The following FCRL6 variants were observed in gnomAD, a reference collection of about 807,000 sequenced individuals.
The protein encoded by FCRL6 is Fc receptor like 6.
Under a neutral mutation model 49.1 loss-of-function variants are expected in FCRL6, and 50 were observed. The observed-to-expected ratio is 1.02, with a 90% CI of 0.81 to 1.29. FCRL6 has a LOEUF of 1.29. Among genes scored for constraint, FCRL6 ranks in the 50% most tolerant of loss-of-function variants. The pLI, the probability that FCRL6 is intolerant of heterozygous loss-of-function variation, is 0.00. For missense variants in FCRL6, 571 were observed against 518.5 expected (o/e 1.10, Z -0.98); for synonymous variants, 213 against 199.6 (o/e 1.07, Z -0.57).
chr1:159,811,172 G>T (rs1050123263), intron 6 of FCRL6, among the ~76,000 whole-genome samples: 1 of 152,084 alleles, frequency 6.6e-6, no homozygotes, highest in Non-Finnish European at 1.5e-5. Context: ...AATGAATGTT[G>T]GCTCTCAAAG....
At chr1:159,803,992 A>G (rs1201209629) in intron 1 of FCRL6, among the ~76,000 whole-genome samples, 2 of 152,360 alleles carry the variant, frequency 1.3e-5, no homozygotes, top group East Asian at 1.9e-4. Flanking sequence ...AGGAATCCTG[A>G]CATTGAGCAT....
Position 159,808,369 on chromosome 1 carries a change from A to G in FCRL6, c.244A>G (p.Ser82Gly), listed in dbSNP as rs779266111. Residue 82 changes from serine to glycine, a missense_variant, in exon 3 of 10, where the codon AGC becomes GGC. Physicochemically the swap from Ser to Gly is moderately conservative, Grantham distance 56. Coordinates refer to ENST00000368106, the MANE Select transcript of FCRL6 (RefSeq NM_001004310.3). Reference protein sequence around the residue: ...AATVQSRGQYSCSGQVMYIPQ... With the variant: ...AATVQSRGQYGCSGQVMYIPQ... Reference sequence around the variant, plus strand: ...AACAGTGCAGAGCCGTGGCCAGTACAGCTGCTCTGGGCAGGTGATGTATAT... The same window carrying G: ...AACAGTGCAGAGCCGTGGCCAGTACGGCTGCTCTGGGCAGGTGATGTATAT... 1.9e-6 allele frequency: 3 copies of G among 1,614,210 alleles called. No individual in the cohort carries two copies. In the South Asian group the frequency reaches 3.3e-5, roughly 18 times the overall value.
rs375951099 is a variant in FCRL6, at chr1:159,802,422, C to G, written c.-3C>G. 6 of 1,613,790 alleles carry G rather than the reference C, an allele frequency of 3.7e-6. No individual in the cohort carries two copies. The highest frequency in any genetic ancestry group is 1.7e-5 in the Admixed American group (1 of 59,990). ...TTCCCTCCGCTGTGCCAGAACAGGC[C>G]CCATGCTGCTCTGGACGGCTGTGCT... On this transcript the variant is annotated 5_prime_UTR_variant, in exon 1 of 10. Transcript: ENST00000368106.
intron 3 of FCRL6, 140 bp from the exon 4 acceptor site, chr1:159,808,821 G>C (rs11587247): frequency 7.4e-6 from 6 of 810,772 alleles, no homozygotes; most frequent in Non-Finnish European, 1.1e-5. Context: ...GAGGGTAAGA[G>C]GACGGGTCCT....
intron 2 of FCRL6, among the ~76,000 whole-genome samples, chr1:159,807,051 C>G (rs1662739041): frequency 6.6e-6 from 1 of 152,208 alleles, no homozygotes; most frequent in South Asian, 2.1e-4. Context: ...TTCTGTGACA[C>G]TGACCTCCAT....
Position 159,815,637 on chromosome 1 carries a change from C to G in FCRL6, c.1281C>G (p.Ser427Arg). ...GCAGGACTCTCCAAGAACCCCTTAG[C>G]GACTGTGAGGAGGTTCTCTGCTAGT... ...MRSRTLQEPL[S>R]DCEEVLC The change falls in exon 10 of 10, where the codon AGC (serine) becomes AGG (arginine). Residue 427 changes from serine (S) to arginine (R), a missense_variant. Ser to Arg is a moderately radical substitution (Grantham distance 110). Coordinates refer to ENST00000368106, the MANE Select transcript of FCRL6 (RefSeq NM_001004310.3). 6.2e-7 allele frequency: 1 copy of G among 1,614,110 alleles called. No homozygotes were observed. Among genetic ancestry groups the G allele is most frequent in the Non-Finnish European group, 8.5e-7 (1 of 1,180,016 alleles).
intron 5 of FCRL6, 55 bp downstream of exon 5, chr1:159,809,738 A>G (rs1662978433): frequency 6.6e-7 from 1 of 1,504,494 alleles, no homozygotes; most frequent in Non-Finnish European, 9.1e-7. Flanking sequence ...CAGGGGTCAG[A>G]TCTCACCCTC....
intron 6 of FCRL6, among the ~76,000 whole-genome samples, chr1:159,812,926 CT>C (rs1390514482): frequency 2.0e-5 from 3 of 152,232 alleles, no homozygotes; most frequent in African/African-American, 7.2e-5. Flanking sequence ...GATTAAGATT[CT>C]GTCTCCACTA....
intron 1 of FCRL6, among the ~76,000 whole-genome samples, chr1:159,803,706 C>T (rs540452829): frequency 3.9e-5 from 6 of 152,196 alleles, no homozygotes; most frequent in South Asian, 4.2e-4. Flanking sequence ...GAACCCAGGA[C>T]GAGGATGACA....
Position 159,809,657 on chromosome 1 carries a change from G to C in FCRL6, c.860G>C (p.Ser287Thr). The change falls in exon 5 of 10, where the codon AGT (serine) becomes ACT (threonine). Residue 287 changes from serine to threonine, a missense_variant. Coordinates refer to ENST00000368106, the MANE Select transcript of FCRL6 (RefSeq NM_001004310.3). ...EAENSVSRER[S>T]EPKKLSLKGS... ...GAGAACAGTGTCTCCAGAGAGAGGA[G>C]TGAGCCCAAGAAGCTGTCTCTGAAG... 6 of 1,614,158 alleles carry C rather than the reference G, an allele frequency of 3.7e-6. No homozygotes were observed. The highest frequency in any genetic ancestry group is 1.1e-5 in the South Asian group (1 of 91,088).
Position 159,809,259 on chromosome 1 carries a change from A to G in FCRL6, c.604+14A>G. 6.5e-7 allele frequency: 1 copy of G among 1,537,528 alleles called. No homozygotes were observed. The highest frequency in any genetic ancestry group is 8.7e-7 in the Non-Finnish European group (1 of 1,145,218). On this transcript the variant is annotated intron_variant, in intron 4 of 9. Transcript: ENST00000368106. ...TCAGAGTGCAGGGTAAGTGCGCGAG[A>G]GAGTGGAGATGCCCCCAGGGCCCTG...
Position 159,814,203 on chromosome 1 carries a change from C to T in FCRL6, c.1076-18C>T. 11 of 1,611,662 alleles carry T rather than the reference C, an allele frequency of 6.8e-6. No individual in the cohort carries two copies. The highest frequency in any genetic ancestry group is 9.3e-6 in the Non-Finnish European group (11 of 1,177,800). On this transcript the variant is annotated intron_variant, in intron 7 of 9. Transcript: ENST00000368106. The stretch of plus-strand genomic sequence containing the variant: ...GAGAGTCAGGAGGATCCTATTTAAG[C>T]CTCATTCCTTCTTCCAGTGCATCAC...
chr1:159,814,072 T>C, intron 7 of FCRL6, 149 bp from the exon 8 acceptor site: 1 of 699,690 alleles, frequency 1.4e-6, no homozygotes, highest in Non-Finnish European at 2.5e-6. Context: ...CTTGCCATGA[T>C]GGCTATCCCC....
At position 159,805,562 on chromosome 1, in the gene FCRL6, G is replaced by T. The variant is rs931257285; in HGVS notation, c.32-1034G>T. ...CAATTTCAGGTCTTCCATTGTTTGG[G>T]CTATTCAAACCTATCTAACCATATC... On this transcript the variant is annotated intron_variant, in intron 1 of 9. Transcript: ENST00000368106. 2.6e-5 allele frequency among the ~76,000 whole-genome samples: 4 copies of T among 152,108 alleles called. No homozygotes were observed. In the East Asian group the frequency reaches 7.7e-4, roughly 29 times the overall value.
intron 1 of FCRL6, among the ~76,000 whole-genome samples, chr1:159,804,305 C>T (rs971295480): frequency 2.6e-5 from 4 of 152,202 alleles, no homozygotes; most frequent in Admixed American, 2.6e-4. Flanking sequence ...TATAAAGTAA[C>T]TCAGAATAAG....
rs1335591942 is a variant in FCRL6 at position 159,809,646 on chromosome 1, CAG to C, written c.856_857del (p.Arg286GlufsTer2). ...YSCEAENSVS[R>X]ERSEPKKLSL... is the part of the protein sequence containing the mutation. ...CCTGCGAGGCTGAGAACAGTGTCTC[CAG>C]AGAGAGGAGTGAGCCCAAGAAGCTG... On this transcript the variant is annotated frameshift_variant, in exon 5 of 10. Coordinates refer to ENST00000368106, the MANE Select transcript of FCRL6 (RefSeq NM_001004310.3). LOFTEE classifies it high-confidence loss of function. The C allele has an allele frequency of 5.0e-6, 8 of 1,613,980 alleles. No homozygotes were observed. Among genetic ancestry groups the C allele is most frequent in the Non-Finnish European group, 6.8e-6 (8 of 1,180,024 alleles).
At chr1:159,813,321 A>G (rs1209862430) in intron 6 of FCRL6, among the ~76,000 whole-genome samples, 168 bp from the exon 7 acceptor site, 1 of 152,270 alleles carries the variant, frequency 6.6e-6, no homozygotes, top group Non-Finnish European at 1.5e-5. Context: ...TTCAAAGGAA[A>G]CATCCCATAA....
intron 2 of FCRL6, among the ~76,000 whole-genome samples, chr1:159,806,853 C>A (rs1662725659): frequency 6.6e-6 from 1 of 152,154 alleles, no homozygotes; most frequent in South Asian, 2.1e-4. Flanking sequence ...GGACTCTAGG[C>A]CTCTATCTTA....
intron 2 of FCRL6, among the ~76,000 whole-genome samples, chr1:159,807,598 G>A (rs1004205101): frequency 1.3e-5 from 2 of 152,188 alleles, no homozygotes; most frequent in Admixed American, 1.3e-4. Flanking sequence ...ATGGAGGCTG[G>A]GCCTAAGGAA....
Sources: allele counts gnomAD v4.1 joint callset (sites outside exome capture counted in the v4.1 genomes callset), GRCh38; gene constraint gnomAD v4.1.1; transcripts MANE v1.5; gene names NCBI Gene and HGNC (gene_info 2026-07-23, HGNC 2026-07-21).